WDR17: variants seen among roughly 807,000 people sequenced by gnomAD.
WDR17 encodes the protein WD repeat domain 17.
In WDR17, 143 loss-of-function variants were observed where a neutral mutation model predicts 161.7. That is an observed-to-expected ratio of 0.88 (90% CI 0.77 to 1.02). The LOEUF is 1.02. WDR17 is among the 50% of genes least tolerant of loss of function. The pLI is 0.00. For missense variants in WDR17, 1,469 were observed against 1,520.9 expected, an observed-to-expected ratio of 0.97 and a Z score of 0.57; for synonymous variants, 517 against 515.6, an observed-to-expected ratio of 1.00 and a Z score of -0.04.
intron 23 of WDR17, among the ~76,000 whole-genome samples, chr4:176,170,292 C>A (rs541830340): frequency 1.3e-5 from 2 of 149,556 alleles, no homozygotes; most frequent in African/African-American, 4.9e-5. Context: ...ACATTGTTGT[C>A]AAATCAATTA....
At chr4:176,118,482 C>T (rs1260772427) in intron 3 of WDR17, among the ~76,000 whole-genome samples, 6 of 151,972 alleles carry the variant, frequency 3.9e-5, no homozygotes, top group Non-Finnish European at 8.8e-5. Context: ...TTATGGAGTC[C>T]TCATTATGGG....
intron 1 of WDR17, among the ~76,000 whole-genome samples, chr4:176,090,862 C>CAAAGGGATGGGCTGAAAT (rs1296831632): frequency 4.6e-5 from 7 of 152,162 alleles, no homozygotes; most frequent in African/African-American, 1.7e-4. Context: ...TTACAGGAAA[C>CAAAGGGATGGGCTGAAAT]AAAGGGATGG....
intron 1 of WDR17, among the ~76,000 whole-genome samples, chr4:176,086,719 T>C (rs1735468667): frequency 6.6e-6 from 1 of 151,888 alleles, no homozygotes; most frequent in Non-Finnish European, 1.5e-5. Flanking sequence ...CTGAATTTTT[T>C]AATGTAGATG....
Position 176,150,128 on chromosome 4 carries a change from T to C in WDR17, c.2133T>C (p.Ala711=). 6.2e-7 allele frequency: 1 copy of C among 1,613,852 alleles called. No individual in the cohort carries two copies. The highest frequency in any genetic ancestry group is 8.5e-7 in the Non-Finnish European group (1 of 1,179,956). The change falls in exon 15 of 29, where the codon GCT becomes GCC. Residue 711 remains alanine (A), a synonymous_variant. Coordinates refer to ENST00000508596, the MANE Select transcript of WDR17 (RefSeq NM_181265.4). ...DIRQEIEKLT[A]NSQVKKLRWF... is the part of the protein sequence containing the mutation. The stretch of plus-strand genomic sequence containing the variant: ...GACAGGAAATAGAAAAACTAACTGC[T>C]AATTCTCAAGTGAAAAAACTAAGAT...
intron 1 of WDR17, among the ~76,000 whole-genome samples, chr4:176,071,191 A>G (rs956877976): frequency 1.3e-5 from 2 of 151,954 alleles, no homozygotes; most frequent in Non-Finnish European, 2.9e-5. Context: ...CACCCTGTTG[A>G]AGAAATAATC....
chr4:176,140,044 T>A, intron 10 of WDR17, 70 bp downstream of exon 10: 1 of 1,301,912 alleles, frequency 7.7e-7, no homozygotes, highest in Non-Finnish European at 1.1e-6. Flanking sequence ...TCATTCCAAC[T>A]GTGTATCCAT....
At chr4:176,070,968 A>T (rs1025467585) in intron 1 of WDR17, among the ~76,000 whole-genome samples, 17 of 152,198 alleles carry the variant, frequency 1.1e-4, no homozygotes, top group Admixed American at 9.8e-4. Flanking sequence ...CTTTCTGCCC[A>T]ATGGGGAATC....
chr4:176,147,955 CACAT>C (rs1229931241), intron 12 of WDR17, among the ~76,000 whole-genome samples, 174 bp from the exon 13 acceptor site: 1 of 151,970 alleles, frequency 6.6e-6, no homozygotes, highest in East Asian at 1.9e-4. Context: ...ATCAAAATAT[CACAT>C]AAATATATAC....
rs1263656278 is a variant in WDR17 at position 176,173,488 on chromosome 4, T to C, written c.3347+119T>C. The C allele has an allele frequency of 4.0e-5, 23 of 576,226 alleles. No homozygotes were observed. The East Asian group carries it at 6.0e-4, about 15-fold the overall frequency. The allele number at this position is 576,226 out of a possible 1,614,324, so 35.7% of individuals were successfully genotyped here. ...TATCTTGGACAGGTAGCTACACTTGTAGAAATATTATATTTTTGTTTGTTA... is the reference window on the plus strand; with the variant it reads ...TATCTTGGACAGGTAGCTACACTTGCAGAAATATTATATTTTTGTTTGTTA... On this transcript the variant is annotated intron_variant, in intron 25 of 28. Coordinates refer to ENST00000508596, the MANE Select transcript of WDR17 (RefSeq NM_181265.4).
intron 1 of WDR17, among the ~76,000 whole-genome samples, chr4:176,103,812 C>T (rs1048791655): frequency 2.6e-5 from 4 of 151,336 alleles, no homozygotes; most frequent in African/African-American, 9.7e-5. Context: ...TGTGGGAGTA[C>T]CAGAAGAGAA....
rs1346204892 is a variant in WDR17, at chr4:176,131,694, C to T, written c.1054C>T (p.Leu352Phe). Residue 352 changes from leucine (L) to phenylalanine (F), a missense_variant, in exon 7 of 29, where the codon CTT becomes TTT. By Grantham distance (22) the Leu-to-Phe change is conservative (BLOSUM62 0). Transcript: ENST00000508596. ...VCCFLDGGVG[L>F]YDMGAKKWDF... ...TTGTTTCTTGGATGGTGGAGTTGGA[C>T]TTTATGATATGGGAGCTAAGAAGTG... 1.1e-5 allele frequency: 17 copies of T among 1,613,000 alleles called. No homozygotes were observed. Among genetic ancestry groups the T allele is most frequent in the Non-Finnish European group, 1.4e-5 (16 of 1,179,520 alleles).
intron 9 of WDR17, 144 bp from the exon 10 acceptor site, chr4:176,139,748 G>C (rs1241629276): frequency 1.7e-6 from 1 of 580,644 alleles, no homozygotes; most frequent in African/African-American, 1.9e-5. Flanking sequence ...GTATAATCAG[G>C]TTTCTGCTCT....
At chr4:176,148,636 G>A (rs1023567354) in intron 13 of WDR17, among the ~76,000 whole-genome samples, 3 of 152,072 alleles carry the variant, frequency 2.0e-5, no homozygotes, top group Non-Finnish European at 2.9e-5. Context: ...CACATATTGC[G>A]ATGGGCATAT....
intron 13 of WDR17, among the ~76,000 whole-genome samples, chr4:176,148,733 T>C (rs760326564): frequency 7.9e-5 from 12 of 152,236 alleles, no homozygotes; most frequent in Non-Finnish European, 1.6e-4. Context: ...ATAGAGTAGA[T>C]ACCACTTATT....
At chr4:176,078,170 C>A (rs1021941706) in intron 1 of WDR17, among the ~76,000 whole-genome samples, 1 of 151,854 alleles carries the variant, frequency 6.6e-6, no homozygotes, top group Non-Finnish European at 1.5e-5. Context: ...TTTTAAATCC[C>A]TTTGCCTACT....
chr4:176,151,367 G>A (rs1747077530), intron 16 of WDR17, among the ~76,000 whole-genome samples: 1 of 151,982 alleles, frequency 6.6e-6, no homozygotes, highest in Non-Finnish European at 1.5e-5. Flanking sequence ...GAACAATGGG[G>A]TTCAATCTCT....
chr4:176,077,962 A>G (rs560875128), intron 1 of WDR17, among the ~76,000 whole-genome samples: 1 of 152,156 alleles, frequency 6.6e-6, no homozygotes, highest in Non-Finnish European at 1.5e-5. Flanking sequence ...TGACCCAGGC[A>G]ACCACTGATT....
chr4:176,091,635 A>G (rs1736134565), intron 1 of WDR17, among the ~76,000 whole-genome samples: 1 of 152,176 alleles, frequency 6.6e-6, no homozygotes, highest in Non-Finnish European at 1.5e-5. Flanking sequence ...GAAGTAATAC[A>G]TATCAGAGCA....
At chr4:176,146,448 T>C (rs140288859) in intron 12 of WDR17, among the ~76,000 whole-genome samples, 3 of 152,300 alleles carry the variant, frequency 2.0e-5, no homozygotes, top group Non-Finnish European at 4.4e-5. Flanking sequence ...AGATAAATAA[T>C]TAGGAGATTT....
Sources: gnomAD v4.1 joint callset for allele counts (sites outside exome capture counted in the v4.1 genomes callset) on GRCh38, gnomAD v4.1.1 for gene constraint, MANE v1.5 for transcripts, NCBI Gene and HGNC (gene_info 2026-07-23, HGNC 2026-07-21) for gene names.